The following ITPRID2 variants were observed in gnomAD, a reference collection of about 807,000 sequenced individuals.
ITPRID2 encodes the protein protein ITPRID2.
ITPRID2 carries 60 observed loss-of-function variants against 124.3 expected under a neutral mutation model. That is an observed-to-expected ratio of 0.48 (90% confidence interval 0.39 to 0.60). The LOEUF (loss-of-function observed/expected upper bound fraction) is 0.60. Ranked by LOEUF, ITPRID2 falls within the 20% of genes least tolerant of loss-of-function variation. ITPRID2 has a pLI of 0.00. For synonymous variants in ITPRID2, 521 were observed against 542.9 expected (o/e 0.96, Z 0.56); for missense variants, 1,553 against 1,512.2 (o/e 1.03, Z -0.45).
At chr2:181,894,013 A>C (rs1387628774) in intron 2 of ITPRID2, 2 of 152,210 alleles carry the variant, frequency 1.3e-5, no homozygotes, top group Non-Finnish European at 1.5e-5. Context: ...TAAAGCCTCC[A>C]ATCTGACTCT....
intron 4 of ITPRID2, among the ~76,000 whole-genome samples, chr2:181,898,131 A>G (rs1692360425): frequency 6.6e-6 from 1 of 152,076 alleles, no homozygotes; most frequent in Admixed American, 6.5e-5. Flanking sequence ...CATTAAGTAA[A>G]TAATTACTGA....
chr2:181,915,657 T>G lies in ITPRID2; in HGVS notation c.2017T>G (p.Cys673Gly), dbSNP rs1039632008. The G allele has an allele frequency of 6.2e-7, 1 of 1,614,236 alleles. No homozygotes were observed. The highest frequency in any genetic ancestry group is 1.6e-4 in the Middle Eastern group (1 of 6,062). The change falls in exon 11 of 18, where the codon TGC becomes GGC. Residue 673 changes from cysteine (C) to glycine (G), a missense_variant. Coordinates refer to ENST00000431877, the MANE Select transcript of ITPRID2 (RefSeq NM_001130445.3). ...LKSLASIEAK[C>G]SDMSSENTTG... Reference sequence around the variant, plus strand: ...ATCATTGGCTTCTATTGAAGCTAAATGCAGTGATATGAGCTCTGAAAATAC... The same window carrying G: ...ATCATTGGCTTCTATTGAAGCTAAAGGCAGTGATATGAGCTCTGAAAATAC...
At chr2:181,926,135 G>A (rs535858343) in intron 16 of ITPRID2, among the ~76,000 whole-genome samples, 1 of 152,080 alleles carries the variant, frequency 6.6e-6, no homozygotes, top group Admixed American at 6.5e-5. Context: ...TTAGCCAGGT[G>A]TGGTGGTAAT....
Position 181,896,968 on chromosome 2 carries a change from T to C in ITPRID2, c.364+4T>C. The stretch of plus-strand genomic sequence containing the variant: ...GATTTGTCATTGGGAGCTGAAGGTA[T>C]GTTTGTTTGGAAGAACTGTATTTTT... On this transcript the variant is annotated splice_donor_region_variant and intron_variant, in intron 4 of 17. Coordinates refer to ENST00000431877, the MANE Select transcript of ITPRID2 (RefSeq NM_001130445.3). This position sits in a 1 kb window ranked among gnomAD's most constrained non-coding sequence, Gnocchi z 4.3. 1 of 1,611,312 alleles carries C rather than the reference T, an allele frequency of 6.2e-7. No homozygotes were observed. Among genetic ancestry groups the C allele is most frequent in the Non-Finnish European group, 8.5e-7 (1 of 1,177,720 alleles).
In ITPRID2 at chr2:181,901,916, G is replaced by T. The variant is rs777870206; in HGVS notation, c.863G>T (p.Arg288Leu). The change falls in exon 8 of 18, where the codon CGA becomes CTA. Residue 288 changes from arginine to leucine, a missense_variant. By Grantham distance (102) the Arg-to-Leu change is moderately radical (BLOSUM62 -2). Transcript: ENST00000431877. ...ACAGACCCACCTCCACCTTTAACTC[G>T]AAGTAACACTGCAAATCGTTTAATG... ...KETDPPPPLTRSNTANRLMKT... is the reference protein window; with the variant it reads ...KETDPPPPLTLSNTANRLMKT... The T allele has an allele frequency of 6.2e-7, 1 of 1,613,752 alleles. No homozygotes were observed. Among genetic ancestry groups the T allele is most frequent in the Non-Finnish European group, 8.5e-7 (1 of 1,179,866 alleles).
At chr2:181,899,638 C>G (rs1046486126) in intron 6 of ITPRID2, among the ~76,000 whole-genome samples, 6 of 152,036 alleles carry the variant, frequency 3.9e-5, no homozygotes, top group Admixed American at 6.5e-5. Flanking sequence ...GAATTCAAGA[C>G]CAGCCTGAGC....
At chr2:181,911,629 A>G (rs950350833) in intron 9 of ITPRID2, among the ~76,000 whole-genome samples, 2 of 152,134 alleles carry the variant, frequency 1.3e-5, no homozygotes, top group Non-Finnish European at 2.9e-5. Flanking sequence ...CATATATTGT[A>G]TCTTTAGGAC....
intron 15 of ITPRID2, 143 bp from the exon 16 acceptor site, chr2:181,921,805 G>C: frequency 2.7e-6 from 2 of 746,908 alleles, no homozygotes; most frequent in Non-Finnish European, 4.2e-6. Flanking sequence ...AAATAAAATT[G>C]AGTAGTTATT....
In ITPRID2 at chr2:181,919,214, A is replaced by T; in HGVS notation, c.2994-82A>T. On this transcript the variant is annotated intron_variant, in intron 13 of 17. Coordinates refer to ENST00000431877, the MANE Select transcript of ITPRID2 (RefSeq NM_001130445.3). This position sits in a 1 kb window ranked among gnomAD's most constrained non-coding sequence, Gnocchi z 4.2. The stretch of plus-strand genomic sequence containing the variant: ...TGAGATTTCCATGCCTTCTGTTAGC[A>T]TATAGTAGTTGTTGAAAGATTTGTG... 1.3e-6 allele frequency: 2 copies of T among 1,493,734 alleles called. No homozygotes were observed. The highest frequency in any genetic ancestry group is 1.8e-6 in the Non-Finnish European group (2 of 1,085,154). The allele number at this position is 1,493,734 out of a possible 1,614,324, so 92.5% of individuals were successfully genotyped here. A position where few individuals can be genotyped will look rare whatever the true frequency, so the allele number is the denominator to read the frequency against.
chr2:181,902,117 T>C lies in ITPRID2; in HGVS notation c.1064T>C (p.Met355Thr). The change falls in exon 8 of 18, where the codon ATG (methionine) becomes ACG (threonine). Residue 355 changes from methionine to threonine, a missense_variant. Transcript: ENST00000431877. This position sits in a 1 kb window ranked among gnomAD's most constrained non-coding sequence, Gnocchi z 4.4. ...KIMKKKESSS[M>T]LATVKEEVSG... ...ATGAAGAAGAAAGAGTCATCTTCTA[T>C]GTTGGCTACAGTTAAAGAAGAAGTC... 1 of 1,613,060 alleles carries C rather than the reference T, an allele frequency of 6.2e-7. No homozygotes were observed. The highest frequency in any genetic ancestry group is 1.7e-4 in the Middle Eastern group (1 of 6,054).
At chr2:181,904,410 G>T (rs983225913) in intron 8 of ITPRID2, among the ~76,000 whole-genome samples, 1 of 151,986 alleles carries the variant, frequency 6.6e-6, no homozygotes, top group East Asian at 1.9e-4. Context: ...TGTATCTTCA[G>T]ATATATTTAA....
At chr2:181,914,315 G>C (rs557201726) in intron 10 of ITPRID2, among the ~76,000 whole-genome samples, 1 of 152,198 alleles carries the variant, frequency 6.6e-6, no homozygotes, top group South Asian at 2.1e-4. Flanking sequence ...AGCTTGCTGA[G>C]TGTTATACTG....
At chr2:181,900,392 A>G (rs373404026) in intron 6 of ITPRID2, among the ~76,000 whole-genome samples, 3 of 152,164 alleles carry the variant, frequency 2.0e-5, no homozygotes, top group East Asian at 1.9e-4. Context: ...CTTTACAGGG[A>G]ATCTCTTAAA....
intron 4 of ITPRID2, 163 bp from the exon 5 acceptor site, chr2:181,898,717 T>C (rs1692413349): frequency 1.5e-6 from 1 of 663,008 alleles, no homozygotes; most frequent in Non-Finnish European, 2.7e-6. Flanking sequence ...TATCTATCTG[T>C]ATATCACTTT....
At position 181,922,050 on chromosome 2, in the gene ITPRID2, GT is replaced by G. The variant is rs1318064731; in HGVS notation, c.3319del (p.Ser1107ProfsTer36). 1 of 1,614,212 alleles carries G rather than the reference GT, an allele frequency of 6.2e-7. No homozygotes were observed. Among genetic ancestry groups the G allele is most frequent in the South Asian group, 1.1e-5 (1 of 91,088 alleles). ...TCCTCCTGGAGAAAGCTCAGAATCT[GT>G]TTTTTCCCAAGCAACATCAGAATCA... is the stretch of plus-strand genomic sequence containing the variant. ...EIPPGESSES[V>X]FSQATSESSS... On this transcript the variant is annotated frameshift_variant, in exon 16 of 18. Transcript: ENST00000431877. LOFTEE classifies it high-confidence loss of function.
rs1328640910 is a variant in ITPRID2 at position 181,892,375 on chromosome 2, C to T, written c.211+98C>T. The stretch of plus-strand genomic sequence containing the variant: ...CCACGAGTTCTGGGAGAGCCTCGGG[C>T]ACGGTAGGCCGAGGGGAGAGGGGAC... On this transcript the variant is annotated intron_variant, in intron 1 of 17. Transcript: ENST00000431877. The surrounding 1 kb of genome is among the most constrained non-coding windows in gnomAD (Gnocchi z 5.2). 4.4e-6 allele frequency: 6 copies of T among 1,363,762 alleles called. No homozygotes were observed. Among genetic ancestry groups the T allele is most frequent in the Non-Finnish European group, 4.9e-6 (5 of 1,017,152 alleles). 84.5% of individuals were successfully genotyped at this position (1,363,762 alleles called of 1,614,324 possible).
chr2:181,918,284 GC>G, intron 11 of ITPRID2: 1 of 1,102,934 alleles, frequency 9.1e-7, no homozygotes, highest in Non-Finnish European at 1.1e-6. Flanking sequence ...ATTTGCAATG[GC>G]TTCTACATTT....
In ITPRID2 at chr2:181,928,228, C is replaced by T; in HGVS notation, c.3743C>T (p.Ser1248Leu). 17 of 1,550,554 alleles carry T rather than the reference C, an allele frequency of 1.1e-5. No homozygotes were observed. The highest frequency in any genetic ancestry group is 1.4e-5 in the Non-Finnish European group (16 of 1,146,454). The change falls in exon 17 of 18, where the codon TCA becomes TTA. Residue 1248 changes from serine to leucine, a missense_variant. Ser to Leu is a moderately radical substitution (Grantham distance 145). Coordinates refer to ENST00000431877, the MANE Select transcript of ITPRID2 (RefSeq NM_001130445.3). ...AGTGGACTTTTGGCAGCAGTATCTT[C>T]AAGTAAAGCGTCTAATTCTAAGCAA... ...IVSGLLAAVSSSKASNSKQDY... is the reference protein window; with the variant it reads ...IVSGLLAAVSLSKASNSKQDY...
intron 10 of ITPRID2, among the ~76,000 whole-genome samples, chr2:181,914,135 A>T (rs1282495982): frequency 3.3e-5 from 5 of 152,326 alleles, no homozygotes; most frequent in Admixed American, 6.5e-5. Flanking sequence ...ATATGTTTTT[A>T]AAAATATCTA....
Sources: allele counts gnomAD v4.1 joint callset (sites outside exome capture counted in the v4.1 genomes callset), GRCh38; gene constraint gnomAD v4.1.1; non-coding constraint Gnocchi (gnomAD v3.1); transcripts MANE v1.5; gene names NCBI Gene and HGNC (gene_info 2026-07-23, HGNC 2026-07-21).